KCNMA1: variants seen among roughly 807,000 people sequenced by gnomAD.
The protein encoded by KCNMA1 is Calcium-activated potassium channel subunit alpha-1.
A neutral mutation model predicts 140.0 loss-of-function variants in KCNMA1; 29 were observed. That is an observed-to-expected ratio of 0.21 (90% confidence interval 0.15 to 0.28). The LOEUF (loss-of-function observed/expected upper bound fraction) is 0.28, where lower values mean the gene tolerates loss of function less well. Ranked by LOEUF, KCNMA1 falls within the 10% of genes least tolerant of loss-of-function variation. The probability of loss-of-function intolerance (pLI) is 1.00; values close to 1 mark genes in which losing one functional copy is unlikely to be tolerated. For missense variants in KCNMA1, 880 were observed against 1,602.2 expected, an observed-to-expected ratio of 0.55 and a Z score of 7.70; for synonymous variants, 612 against 611.9, an observed-to-expected ratio of 1.00 and a Z score of 0.00.
intron 1 of KCNMA1, among the ~76,000 whole-genome samples, chr10:77,630,092 G>A (rs1319021059): frequency 6.6e-6 from 1 of 152,146 alleles, no homozygotes; most frequent in East Asian, 1.9e-4. Context: ...TCACTCCACG[G>A]GCAGCTCTTC....
chr10:77,154,556 T>C (rs2098461181), intron 5 of KCNMA1, among the ~76,000 whole-genome samples: 1 of 152,184 alleles, frequency 6.6e-6, no homozygotes, highest in Admixed American at 6.5e-5. Flanking sequence ...GGCCACTTAG[T>C]GAGTATCTAT....
chr10:77,429,892 CCTA>C (rs1280260016), intron 1 of KCNMA1, among the ~76,000 whole-genome samples: 1 of 152,070 alleles, frequency 6.6e-6, no homozygotes, highest in Non-Finnish European at 1.5e-5. Context: ...GGTTCAAAAT[CCTA>C]CTAAGAGATG....
intron 2 of KCNMA1, among the ~76,000 whole-genome samples, chr10:77,388,125 A>G (rs7903711): frequency 0.035 from 5,280 of 152,322 alleles, 296 homozygotes; most frequent in African/African-American, 0.12. Context: ...TGTCATGTGT[A>G]ATCTCATTAT....
chr10:77,260,183 G>C (rs916584016), intron 2 of KCNMA1, among the ~76,000 whole-genome samples: 1 of 152,150 alleles, frequency 6.6e-6, no homozygotes, highest in African/African-American at 2.4e-5. Flanking sequence ...CACACACAGG[G>C]ATAGCAAGGA....
At chr10:77,621,693 C>T (rs1321940417) in intron 1 of KCNMA1, among the ~76,000 whole-genome samples, 1 of 152,034 alleles carries the variant, frequency 6.6e-6, no homozygotes, top group Non-Finnish European at 1.5e-5. Context: ...CTTTGGGGGC[C>T]GAGGCAGGTG....
At chr10:76,915,082 T>C (rs777806141) in intron 23 of KCNMA1, 33 bp from the exon 24 acceptor site, 8 of 1,511,950 alleles carry the variant, frequency 5.3e-6, no homozygotes, top group Admixed American at 1.7e-5. Flanking sequence ...GGAAGAAAAA[T>C]CAGAGAAGTA....
In KCNMA1 at chr10:77,548,267, G is replaced by A. The variant is rs1052118853; in HGVS notation, c.378+88998C>T. Among the ~76,000 whole-genome samples, 5 of 152,178 alleles carry A rather than the reference G, an allele frequency of 3.3e-5. No individual in the cohort carries two copies. The East Asian group carries it at 9.6e-4, about 29-fold the overall frequency. ...AAAGGCAATCTGTGCACCACCTCAGGGAGGCCAAACCAACATGCCTGGTGC... is the reference window on the plus strand; with the variant it reads ...AAAGGCAATCTGTGCACCACCTCAGAGAGGCCAAACCAACATGCCTGGTGC... On this transcript the variant is annotated intron_variant, in intron 1 of 27. Coordinates refer to ENST00000286628, the MANE Select transcript of KCNMA1 (RefSeq NM_001161352.2).
chr10:76,933,136 A>T (rs1201144358), intron 23 of KCNMA1, among the ~76,000 whole-genome samples: 1 of 152,236 alleles, frequency 6.6e-6, no homozygotes, highest in African/African-American at 2.4e-5. Context: ...CCAGTTGTCA[A>T]ATGAAGGGAG....
At chr10:76,985,990 A>C (rs1209642707) in intron 19 of KCNMA1, among the ~76,000 whole-genome samples, 1 of 152,236 alleles carries the variant, frequency 6.6e-6, no homozygotes, top group Non-Finnish European at 1.5e-5. Context: ...ACTTGAAACA[A>C]ATAAACCTCA....
At chr10:77,153,374 T>C (rs1274643265) in intron 5 of KCNMA1, among the ~76,000 whole-genome samples, 1 of 152,176 alleles carries the variant, frequency 6.6e-6, no homozygotes, top group Non-Finnish European at 1.5e-5. Context: ...TTTTTTTCTT[T>C]TTCTTTTTGT....
chr10:77,414,567 C>T (rs2096694066), intron 1 of KCNMA1, among the ~76,000 whole-genome samples: 1 of 152,174 alleles, frequency 6.6e-6, no homozygotes, highest in Non-Finnish European at 1.5e-5. Context: ...TCTCAGCTCA[C>T]TGCAGCCTCC....
At chr10:77,106,482 C>T (rs1247119745) in intron 9 of KCNMA1, among the ~76,000 whole-genome samples, 1 of 151,846 alleles carries the variant, frequency 6.6e-6, no homozygotes, top group Non-Finnish European at 1.5e-5. Flanking sequence ...CCGAAAGCTG[C>T]CGGCCTCCAG....
chr10:77,117,561 AAAAAGAAAAG>A (rs1554837395), intron 6 of KCNMA1, among the ~76,000 whole-genome samples: 3 of 147,558 alleles, frequency 2.0e-5, no homozygotes, highest in Non-Finnish European at 4.4e-5. Flanking sequence ...AAAAAAAAAA[AAAAAGAAAAG>A]AAAAGAAAAG....
chr10:76,970,096 T>C, intron 19 of KCNMA1, 29 bp from the exon 20 acceptor site: 2 of 1,579,922 alleles, frequency 1.3e-6, no homozygotes, highest in Non-Finnish European at 1.7e-6. Context: ...CATGAGATTA[T>C]GAACAGTTTG....
chr10:77,535,056 C>T (rs1370551560), intron 1 of KCNMA1, among the ~76,000 whole-genome samples: 1 of 152,142 alleles, frequency 6.6e-6, no homozygotes, highest in Admixed American at 6.5e-5. Flanking sequence ...TGGAGATTCA[C>T]CAAGTGCCAA....
At chr10:77,262,108 C>G (rs2062174691) in intron 2 of KCNMA1, among the ~76,000 whole-genome samples, 1 of 152,118 alleles carries the variant, frequency 6.6e-6, no homozygotes, top group South Asian at 2.1e-4. Context: ...GGGACTCAAA[C>G]AAATACTTAT....
At chr10:77,450,138 C>A (rs191928129) in intron 1 of KCNMA1, among the ~76,000 whole-genome samples, 10 of 152,106 alleles carry the variant, frequency 6.6e-5, no homozygotes, top group Non-Finnish European at 1.0e-4. Context: ...TCACTTCAAC[C>A]TTTGTCTCCC....
In KCNMA1 at chr10:77,213,816, C is replaced by T. The variant is rs565829455; in HGVS notation, c.603-28900G>A. Among the ~76,000 whole-genome samples, 4 of 152,276 alleles carry T rather than the reference C, an allele frequency of 2.6e-5. No individual in the cohort carries two copies. In the South Asian group the frequency reaches 8.3e-4, roughly 32 times the overall value. ...AGCAACTATAGTGTTTCTGATATCT[C>T]GGCCTCAAACACCCCATTCATCAAC... On this transcript the variant is annotated intron_variant, in intron 3 of 27. Transcript: ENST00000286628.
At chr10:77,126,924 C>G (rs185130479) in intron 5 of KCNMA1, among the ~76,000 whole-genome samples, 180 of 152,054 alleles carry the variant, frequency 1.2e-3, no homozygotes, top group African/African-American at 3.9e-3. Context: ...ACCAGAAGAC[C>G]GAGCATTCTA....
Sources: allele counts gnomAD v4.1 joint callset (sites outside exome capture counted in the v4.1 genomes callset), GRCh38; gene constraint gnomAD v4.1.1; transcripts MANE v1.5; gene names NCBI Gene and HGNC (gene_info 2026-07-23, HGNC 2026-07-21).